POLR2E: variants seen among roughly 807,000 people sequenced by gnomAD.
The protein encoded by POLR2E is DNA-directed RNA polymerases I, II, and III subunit RPABC1.
POLR2E carries 35 observed loss-of-function variants against 29.8 expected under a neutral mutation model. The ratio of observed to expected loss-of-function variants is 1.17; its 90% CI spans 0.90 to 1.55. POLR2E has a LOEUF of 1.55. Ranked by LOEUF, POLR2E falls within the 40% of genes most tolerant of loss-of-function variation. The pLI, the probability that POLR2E is intolerant of heterozygous loss-of-function variation, is 0.00. For synonymous variants in POLR2E, 174 were observed against 112.6 expected (o/e 1.55, Z -3.45); for missense variants, 287 against 288.6 (o/e 0.99, Z 0.04).
At chr19:1,091,169 C>T (rs1568511851) in intron 3 of POLR2E, among the ~76,000 whole-genome samples, 181 bp from the exon 4 acceptor site, 2 of 152,348 alleles carry the variant, frequency 1.3e-5, no homozygotes, top group Non-Finnish European at 2.9e-5. Flanking sequence ...AGCCTCTCTG[C>T]TCATCGAGAG....
intron 7 of POLR2E, among the ~76,000 whole-genome samples, 151 bp downstream of exon 7, chr19:1,089,321 G>A (rs987062275): frequency 6.6e-6 from 1 of 152,182 alleles, no homozygotes; most frequent in African/African-American, 2.4e-5. Context: ...TGGGGGTCTG[G>A]GGGTGTCCTG....
intron 7 of POLR2E, 43 bp downstream of exon 7, chr19:1,089,427 CCT>C: frequency 7.6e-7 from 1 of 1,320,928 alleles, no homozygotes; most frequent in Non-Finnish European, 1.1e-6. Flanking sequence ...GGACGACACC[CCT>C]GCCTCTGACC....
intron 6 of POLR2E, 37 bp from the exon 7 acceptor site, chr19:1,089,588 G>A: frequency 1.3e-6 from 2 of 1,569,270 alleles, no homozygotes; most frequent in Non-Finnish European, 1.8e-6. Context: ...GAATGCTTGA[G>A]GGGTCTCACT....
intron 2 of POLR2E, among the ~76,000 whole-genome samples, chr19:1,092,855 C>G (rs2043866607): frequency 7.1e-6 from 1 of 140,866 alleles, no homozygotes; most frequent in African/African-American, 2.7e-5. Context: ...CACACTCCAG[C>G]CTGGGTGACA....
At chr19:1,090,870 CGG>C in intron 4 of POLR2E, 36 bp downstream of exon 4, 3 of 1,572,554 alleles carry the variant, frequency 1.9e-6, no homozygotes, top group Non-Finnish European at 2.6e-6. Flanking sequence ...GCATCTCTGC[CGG>C]CCCCACGCAG....
chr19:1,093,575 G>C (rs1010666654), intron 2 of POLR2E, among the ~76,000 whole-genome samples: 1 of 152,058 alleles, frequency 6.6e-6, no homozygotes, highest in African/African-American at 2.4e-5. Context: ...GAAGCTGGAA[G>C]TGCACCCAAC....
At chr19:1,091,719 C>A in intron 3 of POLR2E, 73 bp downstream of exon 3, 6 of 1,027,946 alleles carry the variant, frequency 5.8e-6, no homozygotes, top group Non-Finnish European at 7.5e-6. Flanking sequence ...GCACGTGGGC[C>A]GCCTGTGGGT....
intron 3 of POLR2E, chr19:1,091,374 G>A (rs895477142): frequency 2.7e-6 from 1 of 368,542 alleles, no homozygotes; most frequent in South Asian, 3.1e-5. Flanking sequence ...CAGCACAGCA[G>A]CCTGGCTCCA....
Position 1,088,137 on chromosome 19 carries a change from T to C in POLR2E, c.*598A>G, listed in dbSNP as rs184564261. On this transcript the variant is annotated 3_prime_UTR_variant, in exon 8 of 8. Transcript: ENST00000615234. ...GTGCTTGGGGTGAGGCAAGGCCACC[T>C]GCTGGAAACCTTGTTAGTCGGCCTG... is the stretch of plus-strand genomic sequence containing the variant. The C allele has an allele frequency of 2.0e-5, 3 of 152,434 alleles. No homozygotes were observed. The highest frequency in any genetic ancestry group is 4.4e-5 in the Non-Finnish European group (3 of 68,066). The allele number at this position is 152,434 out of a possible 1,614,324, so 9.4% of individuals were successfully genotyped here.
At position 1,087,502 on chromosome 19, in the gene POLR2E, ACT is replaced by A. The variant is rs749909032; in HGVS notation, c.*1231_*1232del. 4 of 151,816 alleles carry A rather than the reference ACT, an allele frequency of 2.6e-5. No individual in the cohort carries two copies. Among genetic ancestry groups the A allele is most frequent in the East Asian group, 1.9e-4 (1 of 5,158 alleles). 9.4% of individuals were successfully genotyped at this position (151,816 alleles called of 1,614,324 possible). On this transcript the variant is annotated 3_prime_UTR_variant, in exon 8 of 8. Coordinates refer to ENST00000615234, the MANE Select transcript of POLR2E (RefSeq NM_002695.5). ...CAAACTAAAACTGTGCACATGACAC[ACT>A]CTGTCCCCTCCCTCCTCCCCAGCCC...
chr19:1,089,025 C>T (rs982944019), intron 7 of POLR2E, among the ~76,000 whole-genome samples: 3 of 152,196 alleles, frequency 2.0e-5, no homozygotes, highest in Admixed American at 6.5e-5. Context: ...GGGAGGCTCT[C>T]GCCATGGGCA....
chr19:1,089,785 G>A, intron 6 of POLR2E, 99 bp downstream of exon 6: 2 of 1,023,038 alleles, frequency 2.0e-6, no homozygotes, highest in Non-Finnish European at 3.0e-6. Context: ...TCCAGGCCCT[G>A]GATCAAGGGG....
At chr19:1,092,141 A>G (rs936532852) in intron 2 of POLR2E, among the ~76,000 whole-genome samples, 3 of 152,184 alleles carry the variant, frequency 2.0e-5, no homozygotes, top group African/African-American at 7.2e-5. Flanking sequence ...GACACCCCTC[A>G]GTCACCCAGA....
At chr19:1,093,824 T>C in intron 2 of POLR2E, 80 bp downstream of exon 2, 1 of 1,454,014 alleles carries the variant, frequency 6.9e-7, no homozygotes, top group Non-Finnish European at 9.1e-7. Flanking sequence ...ACCAGGCGAG[T>C]GGGGGTGGGT....
intron 1 of POLR2E, 178 bp from the exon 2 acceptor site, chr19:1,094,256 A>T: frequency 1.7e-6 from 1 of 593,576 alleles, no homozygotes; most frequent in Non-Finnish European, 2.9e-6. Flanking sequence ...ACACCACAGG[A>T]TGGGACCAGT....
In POLR2E at chr19:1,090,050, C is replaced by T. The variant is rs199944727; in HGVS notation, c.488+37G>A. ...GGGGGAACGCGGAAGTCTCGAGGGA[C>T]AGGGAGGGGCGGGGCCGGTGGGGCT... On this transcript the variant is annotated intron_variant, in intron 5 of 7. Coordinates refer to ENST00000615234, the MANE Select transcript of POLR2E (RefSeq NM_002695.5). 29 of 1,561,010 alleles carry T rather than the reference C, an allele frequency of 1.9e-5. No homozygotes were observed. The Admixed American group carries it at 1.9e-4, about 10-fold the overall frequency.
intron 4 of POLR2E, 72 bp from the exon 5 acceptor site, chr19:1,090,217 C>T: frequency 7.7e-7 from 1 of 1,306,436 alleles, no homozygotes; most frequent in Non-Finnish European, 1.1e-6. Context: ...GGTGCCACCA[C>T]AGCCCCTGCG....
In POLR2E at chr19:1,087,834, A is replaced by T. The variant is rs1471454992; in HGVS notation, c.*901T>A. 6.6e-6 allele frequency: 1 copy of T among 152,308 alleles called. No individual in the cohort carries two copies. The highest frequency in any genetic ancestry group is 1.5e-5 in the Non-Finnish European group (1 of 68,016). The allele number at this position is 152,308 out of a possible 1,614,324, so 9.4% of individuals were successfully genotyped here. On this transcript the variant is annotated 3_prime_UTR_variant, in exon 8 of 8. Transcript: ENST00000615234. ...TTAATAAAGCTACTGTGAGAGAACC[A>T]CGTGGCTAGGTTAAACTTGGGCAGG...
rs1315957941 is a variant in POLR2E at position 1,095,352 on chromosome 19, TCCGCGCGAGAA to T, written c.-48_-38del. On this transcript the variant is annotated 5_prime_UTR_variant, in exon 1 of 8. Transcript: ENST00000615234. Reference sequence around the variant, plus strand: ...CCGCCGCCGCCGCTCGCACCCCTTCTCCGCGCGAGAACCCGCGCGGACTGCGCCTGCGCCGA... The same window carrying T: ...CCGCCGCCGCCGCTCGCACCCCTTCTCCCGCGCGGACTGCGCCTGCGCCGA... The T allele has an allele frequency of 1.9e-6, 3 of 1,611,156 alleles. No homozygotes were observed. Among genetic ancestry groups the T allele is most frequent in the Non-Finnish European group, 2.5e-6 (3 of 1,178,822 alleles).
Sources: gnomAD v4.1 joint callset for allele counts (sites outside exome capture counted in the v4.1 genomes callset) on GRCh38, gnomAD v4.1.1 for gene constraint, MANE v1.5 for transcripts, NCBI Gene and HGNC (gene_info 2026-07-23, HGNC 2026-07-21) for gene names.